Variants in COL9A1 observed in about 807,000 individuals in gnomAD.
COL9A1 encodes collagen type IX alpha 1 chain, also known as collagen alpha-1(IX) chain.
Under a neutral mutation model 142.6 loss-of-function variants are expected in COL9A1, and 104 were observed. That is an observed-to-expected ratio of 0.73 (90% confidence interval 0.62 to 0.86). The LOEUF is 0.86. COL9A1 is among the 40% of genes least tolerant of loss of function. The pLI, the probability that COL9A1 is intolerant of heterozygous loss-of-function variation, is 0.00. For missense variants in COL9A1, 1,210 were observed against 1,176.6 expected (o/e 1.03, Z -0.42); for synonymous variants, 466 against 396.0 (o/e 1.18, Z -2.10).
chr6:70,253,522 A>G (rs2127575536), intron 25 of COL9A1, 93 bp from the exon 26 acceptor site: 1 of 884,806 alleles, frequency 1.1e-6, no homozygotes, highest in Non-Finnish European at 1.9e-6. Flanking sequence ...AGGCTGAGGG[A>G]ATCATGATAA....
chr6:70,296,107 T>C (rs1032788590), intron 4 of COL9A1, among the ~76,000 whole-genome samples: 2 of 152,182 alleles, frequency 1.3e-5, no homozygotes, highest in Non-Finnish European at 2.9e-5. Flanking sequence ...AATCTTTAAC[T>C]TCTTTTATAC....
chr6:70,273,387 C>T (rs1269214564), intron 12 of COL9A1, among the ~76,000 whole-genome samples: 1 of 152,062 alleles, frequency 6.6e-6, no homozygotes, highest in East Asian at 1.9e-4. Context: ...AAGCTGTTCA[C>T]TTCTGAAAAT....
intron 7 of COL9A1, among the ~76,000 whole-genome samples, chr6:70,282,481 C>T (rs974219086): frequency 6.6e-6 from 1 of 150,742 alleles, no homozygotes; most frequent in African/African-American, 2.4e-5. Flanking sequence ...GTTAGTGCAG[C>T]TACGGCGGGC....
chr6:70,268,951 A>G (rs1269340418), intron 16 of COL9A1, 91 bp from the exon 17 acceptor site: 1 of 1,061,464 alleles, frequency 9.4e-7, no homozygotes, highest in African/African-American at 1.5e-5. Context: ...TTTTTAAGGG[A>G]TTCCAGTTAC....
At position 70,239,198 on chromosome 6, in the gene COL9A1, T is replaced by C. The variant is rs57089808; in HGVS notation, c.2112+56A>G. 2.0e-4 allele frequency: 223 copies of C among 1,097,152 alleles called. No individual in the cohort carries two copies. In the African/African-American group the frequency reaches 3.3e-3, roughly 16 times the overall value. The allele number at this position is 1,097,152 out of a possible 1,614,324, so 68.0% of individuals were successfully genotyped here. A position where few individuals can be genotyped will look rare whatever the true frequency, so the allele number is the denominator to read the frequency against. ...TCATAAAGCAGAATATTATATATTC[T>C]ACAGCTTTATTAATGTTTTTAATTT... is the stretch of plus-strand genomic sequence containing the variant. On this transcript the variant is annotated intron_variant, in intron 33 of 37. Transcript: ENST00000357250.
intron 36 of COL9A1, 148 bp downstream of exon 36, chr6:70,232,435 C>T: frequency 1.1e-6 from 1 of 948,130 alleles, no homozygotes; most frequent in Non-Finnish European, 1.7e-6. Flanking sequence ...GTTTTTGAAT[C>T]TTCACCGTCA....
chr6:70,244,301 G>A lies in COL9A1; in HGVS notation c.1873-1586C>T, dbSNP rs567328883. 1.5e-3 allele frequency among the ~76,000 whole-genome samples: 225 copies of A among 152,316 alleles called. 1 individual carries two copies. Among genetic ancestry groups the A allele is most frequent in the African/African-American group, 5.1e-3 (210 of 41,560 alleles). On this transcript the variant is annotated intron_variant, in intron 28 of 37. Transcript: ENST00000357250. Reference sequence around the variant, plus strand: ...CTCATGAGCAGTTTGGAAGCCAGAGGCAGTGCCCCATGAGGGTGGATACTG... The same window carrying A: ...CTCATGAGCAGTTTGGAAGCCAGAGACAGTGCCCCATGAGGGTGGATACTG...
At chr6:70,222,766 G>C (rs1768965294) in intron 37 of COL9A1, 1 of 151,340 alleles carries the variant, frequency 6.6e-6, no homozygotes, top group Non-Finnish European at 1.5e-5. Context: ...AGGAGGATTT[G>C]AGCCCCAAAT....
downstream of COL9A1, chr6:70,215,557 A>C (rs2127543012): frequency 6.6e-6 from 1 of 152,384 alleles, no homozygotes; most frequent in East Asian, 1.9e-4. Context: ...ATAGTTAAGT[A>C]GATGTTAATG....
chr6:70,251,267 G>A (rs186070010), intron 28 of COL9A1, among the ~76,000 whole-genome samples: 5 of 152,230 alleles, frequency 3.3e-5, no homozygotes, highest in South Asian at 2.1e-4. Flanking sequence ...AAATACAGTC[G>A]GGCATGGTAG....
chr6:70,246,460 T>C (rs1423257610), intron 28 of COL9A1, among the ~76,000 whole-genome samples: 2 of 152,102 alleles, frequency 1.3e-5, no homozygotes, highest in Admixed American at 1.3e-4. Flanking sequence ...TTCCCAGTGA[T>C]AGCTATGCAT....
intron 5 of COL9A1, among the ~76,000 whole-genome samples, chr6:70,288,566 CA>C (rs930945694): frequency 6.6e-6 from 1 of 152,206 alleles, no homozygotes; most frequent in African/African-American, 2.4e-5. Flanking sequence ...TTCTCAACCA[CA>C]TCTCCATCAT....
chr6:70,300,431 T>G, intron 2 of COL9A1, 45 bp from the exon 3 acceptor site: 2 of 855,126 alleles, frequency 2.3e-6, no homozygotes, highest in Non-Finnish European at 3.6e-6. Context: ...CACTCTAACT[T>G]AAAGTATAAT....
At chr6:70,234,304 CA>C (rs55719911) in intron 35 of COL9A1, among the ~76,000 whole-genome samples, 4 of 143,948 alleles carry the variant, frequency 2.8e-5, no homozygotes, top group South Asian at 2.2e-4. Context: ...CAAAACAAAA[CA>C]AAAAAAAGGC....
At chr6:70,280,485 G>A in intron 10 of COL9A1, 4 of 1,308,000 alleles carry the variant, frequency 3.1e-6, no homozygotes, top group Non-Finnish European at 3.9e-6. Context: ...ATTGCCATCC[G>A]TACCCCCTCT....
chr6:70,255,171 G>A lies in COL9A1; in HGVS notation c.1590C>T (p.Leu530=). 1.9e-6 allele frequency: 3 copies of A among 1,614,194 alleles called. No individual in the cohort carries two copies. Among genetic ancestry groups the A allele is most frequent in the Non-Finnish European group, 2.5e-6 (3 of 1,180,032 alleles). The part of the protein sequence containing the change: ...GAEGARGIPG[L]PGPKGDTGLP... ...ATACCGTGTCTCCTTTGGGCCCAGG[G>A]AGACCAGGAATTCCTCTAGCACCTT... The change falls in exon 23 of 38, where the codon CTC becomes CTT. Residue 530 remains leucine (L), a synonymous_variant. Transcript: ENST00000357250.
chr6:70,257,122 G>A (rs1184054445), intron 20 of COL9A1, among the ~76,000 whole-genome samples: 3 of 141,636 alleles, frequency 2.1e-5, no homozygotes, highest in Non-Finnish European at 3.0e-5. Flanking sequence ...GTGCAGTGGC[G>A]CCATCTTGGC....
intron 33 of COL9A1, among the ~76,000 whole-genome samples, chr6:70,236,112 C>CAAAAAAA (rs368419095): frequency 2.0e-5 from 1 of 49,024 alleles, no homozygotes; most frequent in Non-Finnish European, 3.2e-5. Context: ...GACTCCATCT[C>CAAAAAAA]AAAAAAAAAA....
At chr6:70,245,034 T>G (rs1770506998) in intron 28 of COL9A1, among the ~76,000 whole-genome samples, 1 of 152,236 alleles carries the variant, frequency 6.6e-6, no homozygotes, top group Non-Finnish European at 1.5e-5. Flanking sequence ...ATGTGGTTCC[T>G]CATTTTTATT....
Sources: allele counts gnomAD v4.1 joint callset (sites outside exome capture counted in the v4.1 genomes callset), GRCh38; gene constraint gnomAD v4.1.1; transcripts MANE v1.5; gene names NCBI Gene and HGNC (gene_info 2026-07-23, HGNC 2026-07-21).